The following TENM3 variants were observed in gnomAD, a reference collection of about 807,000 sequenced individuals.
TENM3 encodes teneurin transmembrane protein 3, also known as teneurin-3.
Under a neutral mutation model 255.1 loss-of-function variants are expected in TENM3, and 63 were observed. The observed-to-expected ratio is 0.25, with a 90% CI of 0.20 to 0.30. The LOEUF is 0.30. Among genes scored for constraint, TENM3 ranks in the 10% least tolerant of loss-of-function variants. TENM3 has a pLI of 1.00. For synonymous variants in TENM3, 1,306 were observed against 1,322.3 expected (o/e 0.99, Z 0.27); for missense variants, 2,929 against 3,461.1 (o/e 0.85, Z 3.86).
At chr4:181,549,398 C>T in the TENM3 span, among the ~76,000 whole-genome samples, 1 of 152,164 alleles carries the variant, frequency 6.6e-6, no homozygotes, top group Non-Finnish European at 1.5e-5. Context: ...TAGTACTTTT[C>T]CCTGCACGCA....
the TENM3 span, among the ~76,000 whole-genome samples, chr4:181,843,694 C>T: frequency 3.3e-5 from 5 of 150,680 alleles, no homozygotes; most frequent in African/African-American, 1.2e-4. Flanking sequence ...GAGAGTGAGG[C>T]ACCGCCTCTG....
the TENM3 span, among the ~76,000 whole-genome samples, chr4:182,082,544 T>A: frequency 1.3e-5 from 2 of 152,248 alleles, no homozygotes; most frequent in Admixed American, 6.5e-5. Flanking sequence ...ATTATATGAT[T>A]TGCCCCTTTA....
intron 3 of TENM3, among the ~76,000 whole-genome samples, chr4:182,556,419 C>T (rs1160299776): frequency 6.6e-6 from 1 of 152,116 alleles, no homozygotes; most frequent in Non-Finnish European, 1.5e-5. Flanking sequence ...TAGTTTATTG[C>T]ATTACAAACT....
At chr4:182,538,791 A>T (rs1740585295) in intron 3 of TENM3, among the ~76,000 whole-genome samples, 1 of 152,160 alleles carries the variant, frequency 6.6e-6, no homozygotes, top group Admixed American at 6.5e-5. Flanking sequence ...GGAGGTTTCC[A>T]AGATGACAGC....
the TENM3 span, among the ~76,000 whole-genome samples, chr4:181,756,226 T>C: frequency 6.6e-6 from 1 of 152,176 alleles, no homozygotes; most frequent in African/African-American, 2.4e-5. Context: ...TTCTGCCTTG[T>C]TATCCTAGTG....
At chr4:181,818,005 T>C in the TENM3 span, among the ~76,000 whole-genome samples, 1 of 152,218 alleles carries the variant, frequency 6.6e-6, no homozygotes, top group East Asian at 1.9e-4. Flanking sequence ...ACTTTCCTTC[T>C]AGCAAATTCT....
At chr4:182,062,913 T>G in the TENM3 span, among the ~76,000 whole-genome samples, 1 of 152,256 alleles carries the variant, frequency 6.6e-6, no homozygotes. Flanking sequence ...CTATAGTAAC[T>G]GGTCCCATTA....
At chr4:182,773,842 A>C in intron 23 of TENM3, 195 bp downstream of exon 23, 1 of 444,106 alleles carries the variant, frequency 2.3e-6, no homozygotes, top group Non-Finnish European at 3.9e-6. Flanking sequence ...ATATAAGATA[A>C]TCTGTCATCC....
Position 182,229,649 on chromosome 4 carries a change from C to T in TENM3, c.-76+84895C>T, listed in dbSNP as rs1010005808. 6.6e-5 allele frequency among the ~76,000 whole-genome samples: 10 copies of T among 151,758 alleles called. No individual in the cohort carries two copies. In the South Asian group the frequency reaches 1.7e-3, roughly 25 times the overall value. On this transcript the variant is annotated intron_variant, in intron 1 of 2. Coordinates refer to the TENM3 transcript ENST00000512480. ...ATATATATATATACACACACACACA[C>T]ATATATGTATATATAATTAAGCCTG... is the stretch of plus-strand genomic sequence containing the variant.
the TENM3 span, among the ~76,000 whole-genome samples, chr4:182,091,476 G>C: frequency 6.6e-6 from 1 of 152,156 alleles, no homozygotes; most frequent in Non-Finnish European, 1.5e-5. Flanking sequence ...GAGGCCAGGC[G>C]AACTAAAGGA....
intron 3 of TENM3, among the ~76,000 whole-genome samples, chr4:182,358,427 C>A (rs1372031230): frequency 2.0e-5 from 3 of 151,822 alleles, no homozygotes; most frequent in Middle Eastern, 3.4e-3. Flanking sequence ...TTGAAGAGGT[C>A]CTTCACATCC....
the TENM3 span, among the ~76,000 whole-genome samples, chr4:181,936,267 T>C: frequency 1.3e-5 from 2 of 151,982 alleles, no homozygotes; most frequent in Non-Finnish European, 2.9e-5. Context: ...TGGTGGTGTG[T>C]GCCTGTCGTC....
At chr4:182,038,933 A>C in the TENM3 span, among the ~76,000 whole-genome samples, 1 of 152,168 alleles carries the variant, frequency 6.6e-6, no homozygotes, top group Admixed American at 6.5e-5. Context: ...AGGTTTCTCC[A>C]TGTTGGCCAG....
intron 3 of TENM3, among the ~76,000 whole-genome samples, chr4:182,450,122 T>C (rs139335805): frequency 1.3e-5 from 2 of 152,354 alleles, no homozygotes; most frequent in Non-Finnish European, 2.9e-5. Flanking sequence ...CCCCTTCCAC[T>C]AAAGTGGAAA....
chr4:181,613,385 T>C, the TENM3 span, among the ~76,000 whole-genome samples: 1 of 152,156 alleles, frequency 6.6e-6, no homozygotes, highest in Non-Finnish European at 1.5e-5. Flanking sequence ...TGCGGGAATG[T>C]AGGGGATGCT....
At chr4:182,100,600 C>CATATACACACACATATATATACACACAT in the TENM3 span, among the ~76,000 whole-genome samples, 4 of 22,148 alleles carry the variant, frequency 1.8e-4, no homozygotes, top group Non-Finnish European at 3.4e-4. Context: ...CATATATACA[C>CATATACACACACATATATATACACACAT]ATATATACAC....
intron 3 of TENM3, among the ~76,000 whole-genome samples, chr4:182,507,158 G>A (rs1006961102): frequency 6.7e-6 from 1 of 148,818 alleles, no homozygotes; most frequent in African/African-American, 2.5e-5. Flanking sequence ...GAAAAAAAAA[G>A]CACACTAAAA....
At chr4:181,998,920 T>C in the TENM3 span, among the ~76,000 whole-genome samples, 1 of 152,144 alleles carries the variant, frequency 6.6e-6, no homozygotes, top group Non-Finnish European at 1.5e-5. Context: ...ACATTTAACC[T>C]CTCTGAACTC....
At chr4:181,831,968 TTGTGTGTGTGTGTGTGTGTG>T in the TENM3 span, among the ~76,000 whole-genome samples, 1,016 of 132,708 alleles carry the variant, frequency 7.7e-3, 15 homozygotes, top group African/African-American at 0.026. Flanking sequence ...ATATATTACA[TTGTGTGTGTGTGTGTGTGTG>T]TGTGTGTGTG....
Sources: allele counts gnomAD v4.1 joint callset (sites outside exome capture counted in the v4.1 genomes callset), GRCh38; gene constraint gnomAD v4.1.1; transcripts MANE v1.5; gene names NCBI Gene and HGNC (gene_info 2026-07-23, HGNC 2026-07-21).